ATF6: variants seen among roughly 807,000 people sequenced by gnomAD.
ATF6 encodes the protein cyclic AMP-dependent transcription factor ATF-6 alpha.
ATF6 carries 53 observed loss-of-function variants against 83.6 expected under a neutral mutation model. The ratio of observed to expected loss-of-function variants is 0.63; its 90% CI spans 0.51 to 0.80. The LOEUF is 0.80. Ranked by LOEUF, ATF6 falls within the 30% of genes least tolerant of loss-of-function variation. ATF6 has a pLI of 0.00. For synonymous variants in ATF6, 288 were observed against 285.8 expected (o/e 1.01, Z -0.08); for missense variants, 744 against 797.9 (o/e 0.93, Z 0.81).
intron 1 of ATF6, among the ~76,000 whole-genome samples, chr1:161,768,098 G>A (rs1226802178): frequency 3.3e-5 from 5 of 152,096 alleles, no homozygotes; most frequent in African/African-American, 9.7e-5. Flanking sequence ...CAGGTGATCC[G>A]CCCACCTCGG....
chr1:161,897,485 C>G (rs1687698967), intron 14 of ATF6, among the ~76,000 whole-genome samples: 2 of 152,128 alleles, frequency 1.3e-5, no homozygotes, highest in Admixed American at 1.3e-4. Context: ...CCTCCCCCAC[C>G]TTCTAACCTT....
chr1:161,852,717 A>G (rs574086997), intron 11 of ATF6, among the ~76,000 whole-genome samples: 3 of 152,206 alleles, frequency 2.0e-5, no homozygotes, highest in African/African-American at 7.2e-5. Flanking sequence ...GGCTCAAGTG[A>G]TCCTCTTGCC....
At chr1:161,789,989 C>G (rs1210071478) in intron 4 of ATF6, among the ~76,000 whole-genome samples, 1 of 152,098 alleles carries the variant, frequency 6.6e-6, no homozygotes, top group Admixed American at 6.5e-5. Context: ...TCTCCCATAT[C>G]CTCTCAAGGT....
intron 9 of ATF6, among the ~76,000 whole-genome samples, chr1:161,839,582 A>G (rs574540984): frequency 6.6e-6 from 1 of 152,178 alleles, no homozygotes; most frequent in Non-Finnish European, 1.5e-5. Context: ...TGTGTTGCCC[A>G]GGCTGGTCTC....
chr1:161,883,026 C>T (rs187864502), intron 14 of ATF6, among the ~76,000 whole-genome samples: 151 of 151,906 alleles, frequency 9.9e-4, no homozygotes, highest in Middle Eastern at 3.4e-3. Flanking sequence ...TCATTCTTTC[C>T]CCCAACTCCC....
chr1:161,856,005 A>C (rs913006037), intron 12 of ATF6, among the ~76,000 whole-genome samples: 8 of 152,212 alleles, frequency 5.3e-5, no homozygotes, highest in Admixed American at 4.6e-4. Context: ...TAGCTACAGG[A>C]GTCAAGAAAG....
Position 161,800,709 on chromosome 1 carries a change from C to T in ATF6, c.689-1343C>T, listed in dbSNP as rs78076263. Among the ~76,000 whole-genome samples, 354 of 152,194 alleles carry T rather than the reference C, an allele frequency of 2.3e-3. 3 individuals carry two copies. The highest frequency in any genetic ancestry group is 8.3e-3 in the African/African-American group (346 of 41,534). On this transcript the variant is annotated intron_variant, in intron 6 of 15. Coordinates refer to ENST00000367942, the MANE Select transcript of ATF6 (RefSeq NM_007348.4). ...TGTTTTCATTAAAAGCCTACTGTAC[C>T]CTCTATTTTATGTCTTCAGGTGAGA...
At chr1:161,879,265 A>G (rs779538631) in intron 14 of ATF6, among the ~76,000 whole-genome samples, 5 of 152,140 alleles carry the variant, frequency 3.3e-5, no homozygotes, top group African/African-American at 7.2e-5. Flanking sequence ...ATTTAAGCAG[A>G]GAGGCACAAG....
Position 161,807,039 on chromosome 1 carries a change from C to T in ATF6, c.909+4767C>T, listed in dbSNP as rs972185659. Among the ~76,000 whole-genome samples the T allele has an allele frequency of 3.3e-5, 5 of 151,970 alleles. 1 individual carries two copies. The highest frequency in any genetic ancestry group is 1.3e-4 in the Admixed American group (2 of 15,242). Reference sequence around the variant, plus strand: ...GTATAGCAAGCAGAAAGCAAGCCTCCTCATTGTCTAGAGGGAGATTTTATC... The same window carrying T: ...GTATAGCAAGCAGAAAGCAAGCCTCTTCATTGTCTAGAGGGAGATTTTATC... On this transcript the variant is annotated intron_variant, in intron 7 of 15. Coordinates refer to ENST00000367942, the MANE Select transcript of ATF6 (RefSeq NM_007348.4).
intron 14 of ATF6, among the ~76,000 whole-genome samples, chr1:161,873,558 C>A (rs929713040): frequency 2.0e-5 from 3 of 151,602 alleles, no homozygotes; most frequent in African/African-American, 4.8e-5. Flanking sequence ...ATCAGCAAAT[C>A]TAAACACTGA....
intron 7 of ATF6, among the ~76,000 whole-genome samples, chr1:161,805,969 A>G (rs2101761316): frequency 6.6e-6 from 1 of 152,338 alleles, no homozygotes; most frequent in Admixed American, 6.5e-5. Context: ...TGCAAACTGC[A>G]TTAAATGCCA....
intron 14 of ATF6, among the ~76,000 whole-genome samples, chr1:161,879,319 A>G (rs957801648): frequency 6.6e-5 from 10 of 152,124 alleles, no homozygotes; most frequent in Non-Finnish European, 1.3e-4. Flanking sequence ...AGCCTACTAG[A>G]GACATTTGGA....
intron 7 of ATF6, among the ~76,000 whole-genome samples, chr1:161,818,264 A>G (rs1450345541): frequency 2.0e-5 from 3 of 152,224 alleles, no homozygotes; most frequent in Non-Finnish European, 2.9e-5. Flanking sequence ...TCAATGTAAT[A>G]TAGGTTGGCG....
chr1:161,909,505 G>A (rs1687945205), intron 14 of ATF6, among the ~76,000 whole-genome samples: 1 of 151,620 alleles, frequency 6.6e-6, no homozygotes, highest in Non-Finnish European at 1.5e-5. Flanking sequence ...AGGAAGGAGA[G>A]CATATATTGG....
intron 4 of ATF6, among the ~76,000 whole-genome samples, chr1:161,788,349 A>T (rs1684795456): frequency 6.6e-6 from 1 of 151,468 alleles, no homozygotes; most frequent in East Asian, 1.9e-4. Flanking sequence ...AGCTTTTTGG[A>T]CTTTTTTTCT....
At chr1:161,794,277 T>C (rs1571136798) in intron 6 of ATF6, among the ~76,000 whole-genome samples, 1 of 152,162 alleles carries the variant, frequency 6.6e-6, no homozygotes, top group African/African-American at 2.4e-5. Flanking sequence ...AGTATGTTTT[T>C]CATTTATTTG....
chr1:161,861,138 A>G (rs1394066), intron 13 of ATF6, among the ~76,000 whole-genome samples: 40,125 of 152,062 alleles, frequency 0.26, 8,892 homozygotes, highest in African/African-American at 0.61. Flanking sequence ...ATGGTAAATG[A>G]TAATGATGTG....
intron 9 of ATF6, among the ~76,000 whole-genome samples, chr1:161,828,218 ACCT>A (rs1685954448): frequency 6.6e-6 from 1 of 151,928 alleles, no homozygotes; most frequent in South Asian, 2.1e-4. Flanking sequence ...AGGAACCTTA[ACCT>A]TTTGTTTTTG....
chr1:161,956,733 A>G (rs1464989606), intron 15 of ATF6, among the ~76,000 whole-genome samples: 1 of 152,250 alleles, frequency 6.6e-6, no homozygotes, highest in Non-Finnish European at 1.5e-5. Flanking sequence ...ATTTATCATC[A>G]ATGAAGACTA....
Sources: gnomAD v4.1 joint callset for allele counts (sites outside exome capture counted in the v4.1 genomes callset) on GRCh38, gnomAD v4.1.1 for gene constraint, MANE v1.5 for transcripts, NCBI Gene and HGNC (gene_info 2026-07-23, HGNC 2026-07-21) for gene names.